Variants in FRMD4A observed in about 807,000 individuals in gnomAD.
FRMD4A encodes the protein FERM domain-containing protein 4A.
Under a neutral mutation model 129.1 loss-of-function variants are expected in FRMD4A, and 29 were observed. That is an observed-to-expected ratio of 0.22 (90% confidence interval 0.17 to 0.31). FRMD4A has a LOEUF of 0.31. Among genes scored for constraint, FRMD4A ranks in the 10% least tolerant of loss-of-function variants. The probability of loss-of-function intolerance (pLI) is 1.00; values close to 1 mark genes in which losing one functional copy is unlikely to be tolerated. For missense variants in FRMD4A, 1,272 were observed against 1,375.8 expected (o/e 0.92, Z 1.19); for synonymous variants, 634 against 571.6 (o/e 1.11, Z -1.56).
chr10:13,670,276 A>T lies in FRMD4A; in HGVS notation c.1374+130T>A, dbSNP rs1391698369. The T allele has an allele frequency of 3.4e-6, 3 of 894,204 alleles. No individual in the cohort carries two copies. In the South Asian group the frequency reaches 4.6e-5, roughly 14 times the overall value. The allele number at this position is 894,204 out of a possible 1,614,324, so 55.4% of individuals were successfully genotyped here. On this transcript the variant is annotated intron_variant, in intron 17 of 24. Transcript: ENST00000357447. The stretch of plus-strand genomic sequence containing the variant: ...ATACTGACCGGCCAGCTCACTCAAG[A>T]AAAGGTATGAGCGAAAATACTGGCA...
intron 2 of FRMD4A, among the ~76,000 whole-genome samples, chr10:14,056,178 C>T (rs182788234): frequency 7.9e-5 from 12 of 151,946 alleles, no homozygotes; most frequent in African/African-American, 2.4e-4. Context: ...ATTACAGGCA[C>T]GTGCCACCAC....
At chr10:13,787,859 A>G (rs1485358711) in intron 5 of FRMD4A, among the ~76,000 whole-genome samples, 1 of 130,804 alleles carries the variant, frequency 7.6e-6, no homozygotes, top group African/African-American at 2.9e-5. Flanking sequence ...AGGCAGGCAG[A>G]TCTGTCTCAA....
chr10:13,765,907 C>T (rs575063699), intron 6 of FRMD4A, among the ~76,000 whole-genome samples: 1 of 152,272 alleles, frequency 6.6e-6, no homozygotes, highest in South Asian at 2.1e-4. Flanking sequence ...TGTATGTGTG[C>T]TTTTCTGTCA....
intron 2 of FRMD4A, among the ~76,000 whole-genome samples, chr10:14,104,180 CA>C (rs1837458171): frequency 6.6e-6 from 1 of 152,164 alleles, no homozygotes; most frequent in South Asian, 2.1e-4. Context: ...ATCAAGGTTA[CA>C]CTGCCATCGA....
chr10:14,116,165 G>A (rs573158498), intron 2 of FRMD4A, among the ~76,000 whole-genome samples: 4 of 152,330 alleles, frequency 2.6e-5, no homozygotes, highest in South Asian at 2.1e-4. Flanking sequence ...AAATGGAAGG[G>A]TTGGTTATGA....
chr10:13,832,525 G>A (rs1224266415), intron 3 of FRMD4A, among the ~76,000 whole-genome samples: 2 of 152,182 alleles, frequency 1.3e-5, no homozygotes, highest in African/African-American at 4.8e-5. Flanking sequence ...GATTGGTCTT[G>A]GGTGGGTCGA....
At chr10:14,000,583 G>T (rs1016727906) in intron 2 of FRMD4A, among the ~76,000 whole-genome samples, 10 of 123,166 alleles carry the variant, frequency 8.1e-5, no homozygotes, top group African/African-American at 1.8e-4. Context: ...GGAAGAGGAG[G>T]TTGCAGTAAG....
intron 2 of FRMD4A, among the ~76,000 whole-genome samples, chr10:13,986,365 G>T (rs2095581225): frequency 1.3e-5 from 2 of 151,306 alleles, no homozygotes; most frequent in African/African-American, 4.9e-5. Flanking sequence ...GATGAAATTG[G>T]AAATCATCAT....
At chr10:13,798,888 A>G (rs995956434) in intron 4 of FRMD4A, among the ~76,000 whole-genome samples, 14 of 152,310 alleles carry the variant, frequency 9.2e-5, no homozygotes, top group African/African-American at 2.6e-4. Context: ...AGGTTCCATG[A>G]TATTTCAAAC....
intron 2 of FRMD4A, among the ~76,000 whole-genome samples, chr10:14,012,330 C>T (rs2095685189): frequency 6.6e-6 from 1 of 152,224 alleles, no homozygotes; most frequent in Non-Finnish European, 1.5e-5. Flanking sequence ...TTGCTTTGAA[C>T]ATTTCCTTCC....
chr10:14,139,432 T>C (rs1564331822), intron 2 of FRMD4A, among the ~76,000 whole-genome samples: 1 of 86,556 alleles, frequency 1.2e-5, no homozygotes, highest in African/African-American at 3.0e-5. Flanking sequence ...CAAAAACATA[T>C]TTCTTTTTTT....
At chr10:13,736,035 C>A (rs2090610042) in intron 12 of FRMD4A, among the ~76,000 whole-genome samples, 1 of 152,112 alleles carries the variant, frequency 6.6e-6, no homozygotes, top group African/African-American at 2.4e-5. Flanking sequence ...CGCCTGTAAT[C>A]CAGCTACTGG....
At chr10:14,039,519 T>A (rs1325553266) in intron 2 of FRMD4A, among the ~76,000 whole-genome samples, 5 of 145,436 alleles carry the variant, frequency 3.4e-5, no homozygotes, top group South Asian at 2.2e-4. Context: ...TCTATCTATC[T>A]ATCATCTTGG....
At chr10:14,231,666 G>A (rs1288804865) in intron 2 of FRMD4A, among the ~76,000 whole-genome samples, 7 of 152,146 alleles carry the variant, frequency 4.6e-5, no homozygotes, top group African/African-American at 1.2e-4. Flanking sequence ...GTTTTGACTT[G>A]CATTTCTCTA....
chr10:14,158,090 G>A (rs1014881639), intron 2 of FRMD4A, among the ~76,000 whole-genome samples: 1 of 152,170 alleles, frequency 6.6e-6, no homozygotes, highest in African/African-American at 2.4e-5. Context: ...AGACCTGCAG[G>A]GGCCTGATCA....
intron 2 of FRMD4A, among the ~76,000 whole-genome samples, chr10:14,185,589 A>C (rs1258906467): frequency 1.3e-5 from 2 of 150,672 alleles, no homozygotes; most frequent in South Asian, 2.1e-4. Flanking sequence ...CTTGTAAGAA[A>C]GAGAAACAGG....
intron 2 of FRMD4A, among the ~76,000 whole-genome samples, chr10:14,076,751 G>A (rs1835634364): frequency 6.6e-6 from 1 of 152,184 alleles, no homozygotes; most frequent in Non-Finnish European, 1.5e-5. Flanking sequence ...ACACTTGTCT[G>A]TATCTCTCCC....
intron 2 of FRMD4A, among the ~76,000 whole-genome samples, chr10:13,879,810 C>T (rs1365704507): frequency 1.4e-5 from 2 of 143,328 alleles, no homozygotes; most frequent in Non-Finnish European, 3.0e-5. Flanking sequence ...CCTCCTCCTC[C>T]TCCTCCTTCT....
At chr10:13,723,669 A>G (rs1190286650) in intron 12 of FRMD4A, among the ~76,000 whole-genome samples, 1 of 152,220 alleles carries the variant, frequency 6.6e-6, no homozygotes, top group Non-Finnish European at 1.5e-5. Flanking sequence ...ATTGAGGTAT[A>G]AAGTGTTTAG....
Sources: allele counts gnomAD v4.1 joint callset (sites outside exome capture counted in the v4.1 genomes callset), GRCh38; gene constraint gnomAD v4.1.1; transcripts MANE v1.5; gene names NCBI Gene and HGNC (gene_info 2026-07-23, HGNC 2026-07-21).